Variants in LINGO2 observed in about 807,000 individuals in gnomAD.
The protein encoded by LINGO2 is leucine rich repeat and Ig domain containing 2, also known as leucine-rich repeat and immunoglobulin-like domain-containing nogo receptor-interacting protein 2.
LINGO2 carries 14 observed loss-of-function variants against 30.6 expected under a neutral mutation model. The observed-to-expected ratio is 0.46, with a 90% CI of 0.30 to 0.72. The LOEUF is 0.72. Ranked by LOEUF, LINGO2 falls within the 30% of genes least tolerant of loss-of-function variation. The pLI, the probability that LINGO2 is intolerant of heterozygous loss-of-function variation, is 0.07. For missense variants in LINGO2, 729 were observed against 751.7 expected, an observed-to-expected ratio of 0.97 and a Z score of 0.35; for synonymous variants, 317 against 288.5, an observed-to-expected ratio of 1.10 and a Z score of -1.00.
intron 2 of LINGO2, among the ~76,000 whole-genome samples, chr9:28,387,359 C>T (rs1821627583): frequency 6.6e-6 from 1 of 152,170 alleles, no homozygotes; most frequent in Non-Finnish European, 1.5e-5. Context: ...TTTGTAAACG[C>T]ACCAATCAGC....
At chr9:28,590,114 G>C (rs1283662580) in intron 1 of LINGO2, among the ~76,000 whole-genome samples, 4 of 152,122 alleles carry the variant, frequency 2.6e-5, no homozygotes, top group Non-Finnish European at 5.9e-5. Context: ...GTAGAAAGCT[G>C]AAACTGGATC....
At chr9:28,992,559 A>C in the LINGO2 span, among the ~76,000 whole-genome samples, 1 of 152,160 alleles carries the variant, frequency 6.6e-6, no homozygotes, top group Non-Finnish European at 1.5e-5. Context: ...AACAGAATAT[A>C]TATTTTTTTC....
the LINGO2 span, among the ~76,000 whole-genome samples, chr9:28,727,931 C>T: frequency 6.6e-6 from 1 of 152,092 alleles, no homozygotes; most frequent in African/African-American, 2.4e-5. Flanking sequence ...TCTTGAAGTT[C>T]TCTCAACGAG....
At chr9:28,302,386 A>T (rs951563635) in intron 3 of LINGO2, among the ~76,000 whole-genome samples, 1 of 152,228 alleles carries the variant, frequency 6.6e-6, no homozygotes, top group African/African-American at 2.4e-5. Flanking sequence ...TGAGATATAC[A>T]ACCCCTTTTA....
the LINGO2 span, among the ~76,000 whole-genome samples, chr9:28,760,810 A>G: frequency 6.6e-6 from 1 of 151,880 alleles, no homozygotes; most frequent in African/African-American, 2.4e-5. Flanking sequence ...AATCTCATCC[A>G]CATCACTGCA....
chr9:28,105,485 CAGTGA>C (rs879470736), intron 4 of LINGO2, among the ~76,000 whole-genome samples: 6 of 152,198 alleles, frequency 3.9e-5, no homozygotes, highest in Non-Finnish European at 5.9e-5. Context: ...AAATATCCAG[CAGTGA>C]TAACTGCTAT....
chr9:28,941,605 A>G, the LINGO2 span, among the ~76,000 whole-genome samples: 3 of 152,088 alleles, frequency 2.0e-5, no homozygotes, highest in South Asian at 6.2e-4. Flanking sequence ...TAAATCCTCC[A>G]CTCACTTATT....
chr9:29,099,728 A>G, the LINGO2 span, among the ~76,000 whole-genome samples: 1 of 152,204 alleles, frequency 6.6e-6, no homozygotes, highest in South Asian at 2.1e-4. Context: ...AAGACAGGCA[A>G]TAACAAATGC....
At chr9:27,997,030 A>G (rs550380730) in intron 5 of LINGO2, among the ~76,000 whole-genome samples, 142 of 152,324 alleles carry the variant, frequency 9.3e-4, no homozygotes, top group African/African-American at 3.3e-3. Flanking sequence ...TGTCAAATTG[A>G]ATTTTTAAAC....
At chr9:28,140,331 G>A (rs1456309113) in intron 4 of LINGO2, among the ~76,000 whole-genome samples, 2 of 152,186 alleles carry the variant, frequency 1.3e-5, no homozygotes, top group African/African-American at 4.8e-5. Flanking sequence ...TGTTTACTGA[G>A]TGAACCAGAT....
chr9:28,357,922 A>T (rs749560131), intron 3 of LINGO2, among the ~76,000 whole-genome samples: 32 of 152,140 alleles, frequency 2.1e-4, no homozygotes, highest in Non-Finnish European at 4.1e-4. Context: ...AAATAAATCC[A>T]ACAATTTAAA....
At chr9:28,643,977 G>A (rs565427329) in intron 1 of LINGO2, among the ~76,000 whole-genome samples, 2 of 152,024 alleles carry the variant, frequency 1.3e-5, no homozygotes, top group Admixed American at 6.6e-5. Context: ...CCAAAACTCC[G>A]ATAAGATAGC....
the LINGO2 span, among the ~76,000 whole-genome samples, chr9:28,937,501 T>A: frequency 6.6e-6 from 1 of 152,132 alleles, no homozygotes; most frequent in Non-Finnish European, 1.5e-5. Context: ...GATCTGAAGG[T>A]TCCAGAGAAT....
At chr9:28,475,973 T>C (rs1825712755) in exon 2 of LINGO2, 1 of 152,616 alleles carries the variant, frequency 6.6e-6, no homozygotes, top group African/African-American at 2.4e-5. Context: ...ATGCTGGTAG[T>C]GGCCACTTTC....
chr9:29,165,782 G>T, the LINGO2 span, among the ~76,000 whole-genome samples: 1 of 152,110 alleles, frequency 6.6e-6, no homozygotes, highest in East Asian at 1.9e-4. Flanking sequence ...AAGAAAGGAT[G>T]AAATGAAAAA....
In LINGO2 at chr9:28,105,719, ACT is replaced by A. The variant is rs369866533; in HGVS notation, c.-86-93316_-86-93315del. On this transcript the variant is annotated intron_variant, in intron 4 of 5. Coordinates refer to ENST00000379992, the Ensembl canonical transcript of LINGO2. ...CTTTATAACAAGAGGAACCTGTCTC[ACT>A]CTCTCTCTCTCTCTCTCTTTCTCTC... Among the ~76,000 whole-genome samples, 350 of 146,704 alleles carry A rather than the reference ACT, an allele frequency of 2.4e-3. 1 individual carries two copies. Among genetic ancestry groups the A allele is most frequent in the African/African-American group, 6.0e-3 (242 of 40,362 alleles).
intron 1 of LINGO2, among the ~76,000 whole-genome samples, chr9:28,632,113 G>T (rs1217958481): frequency 6.6e-6 from 1 of 152,094 alleles, no homozygotes; most frequent in Non-Finnish European, 1.5e-5. Flanking sequence ...AGTGTGACTG[G>T]TGTCTTAATA....
chr9:28,743,526 T>C, the LINGO2 span, among the ~76,000 whole-genome samples: 2 of 152,052 alleles, frequency 1.3e-5, no homozygotes, highest in East Asian at 1.9e-4. Context: ...TCCTTTTTTA[T>C]GGCTGCATCA....
At chr9:28,678,143 T>TAA in the LINGO2 span, among the ~76,000 whole-genome samples, 10,113 of 144,334 alleles carry the variant, frequency 0.07, 461 homozygotes, top group Admixed American at 0.18. Flanking sequence ...CTTTGAATAT[T>TAA]AAAAAAAAAA....
Sources: gnomAD v4.1 joint callset for allele counts (sites outside exome capture counted in the v4.1 genomes callset) on GRCh38, gnomAD v4.1.1 for gene constraint, MANE v1.5 for transcripts, NCBI Gene and HGNC (gene_info 2026-07-23, HGNC 2026-07-21) for gene names.